Variants in KIF26B observed in about 807,000 individuals in gnomAD.
The protein encoded by KIF26B is kinesin family member 26B, also known as kinesin-like protein KIF26B.
Under a neutral mutation model 151.2 loss-of-function variants are expected in KIF26B, and 63 were observed. That is an observed-to-expected ratio of 0.42 (90% CI 0.34 to 0.51). The LOEUF (loss-of-function observed/expected upper bound fraction) is 0.51. Ranked by LOEUF, KIF26B falls within the 20% of genes least tolerant of loss-of-function variation. KIF26B has a pLI of 0.07. For synonymous variants in KIF26B, 1,357 were observed against 1,262.1 expected, an observed-to-expected ratio of 1.08 and a Z score of -1.59; for missense variants, 2,813 against 2,913.6, an observed-to-expected ratio of 0.97 and a Z score of 0.79.
intron 4 of KIF26B, among the ~76,000 whole-genome samples, chr1:245,453,708 G>A (rs59190428): frequency 0.021 from 3,223 of 152,202 alleles, 114 homozygotes; most frequent in African/African-American, 0.072. Flanking sequence ...TGCCTTGTCT[G>A]TTATCAGGAT....
chr1:245,625,923 C>T (rs2043719426), intron 9 of KIF26B, among the ~76,000 whole-genome samples: 1 of 152,128 alleles, frequency 6.6e-6, no homozygotes, highest in Admixed American at 6.5e-5. Flanking sequence ...CTGTGCCTGG[C>T]TTATTTGACT....
intron 2 of KIF26B, among the ~76,000 whole-genome samples, chr1:245,266,660 C>G (rs992105485): frequency 9.9e-5 from 15 of 152,130 alleles, no homozygotes; most frequent in African/African-American, 3.6e-4. Context: ...GCGCCTACCA[C>G]CACGCCCGGC....
intron 4 of KIF26B, among the ~76,000 whole-genome samples, chr1:245,430,016 A>G (rs926586229): frequency 6.6e-6 from 1 of 152,240 alleles, no homozygotes. Context: ...TTCTGTTCCC[A>G]TAGAACTTTG....
In KIF26B at chr1:245,358,535, A is replaced by G. The variant is rs1029572305; in HGVS notation, c.466-8299A>G. ...ACTCCGTCTCAAAACAAAACAAAACAAAACAAAACAGCCAAGTACATTTAT... is the reference window on the plus strand; with the variant it reads ...ACTCCGTCTCAAAACAAAACAAAACGAAACAAAACAGCCAAGTACATTTAT... On this transcript the variant is annotated intron_variant, in intron 2 of 14. Transcript: ENST00000407071. This position sits in a 1 kb window ranked among gnomAD's most constrained non-coding sequence, Gnocchi z 4.1. Among the ~76,000 whole-genome samples, 1 of 152,228 alleles carries G rather than the reference A, an allele frequency of 6.6e-6. No homozygotes were observed. Among genetic ancestry groups the G allele is most frequent in the Non-Finnish European group, 1.5e-5 (1 of 68,050 alleles).
intron 2 of KIF26B, among the ~76,000 whole-genome samples, chr1:245,329,621 C>T (rs558380621): frequency 2.8e-4 from 43 of 152,294 alleles, no homozygotes; most frequent in Non-Finnish European, 5.6e-4. Flanking sequence ...CCCTCATACA[C>T]ATTCACTCAC....
At position 245,646,107 on chromosome 1, in the gene KIF26B, C is replaced by T. The variant is rs1427194302; in HGVS notation, c.2099-14C>T. The T allele has an allele frequency of 6.2e-7, 1 of 1,612,194 alleles. No homozygotes were observed. Among genetic ancestry groups the T allele is most frequent in the African/African-American group, 1.3e-5 (1 of 74,838 alleles). On this transcript the variant is annotated splice_polypyrimidine_tract_variant and intron_variant, in intron 9 of 14. Coordinates refer to ENST00000407071, the MANE Select transcript of KIF26B (RefSeq NM_018012.4). ...AACTTAACCATTTCTCTTTTATCTT[C>T]TCCCCTGTGGTAGTGTCTGGAGGTC...
At position 245,540,516 on chromosome 1, in the gene KIF26B, T is replaced by G; in HGVS notation, c.1167-251T>G. 1.5e-6 allele frequency: 1 copy of G among 680,702 alleles called. No individual in the cohort carries two copies. 42.2% of individuals were successfully genotyped at this position (680,702 alleles called of 1,614,324 possible). A position where few individuals can be genotyped will look rare whatever the true frequency, so the allele number is the denominator to read the frequency against. Reference sequence around the variant, plus strand: ...AATGTTGGTGGATAACACATCATTCTTTGTAAATCGTGATTGCAGAATCCT... The same window carrying G: ...AATGTTGGTGGATAACACATCATTCGTTGTAAATCGTGATTGCAGAATCCT... On this transcript the variant is annotated intron_variant, in intron 4 of 14. Transcript: ENST00000407071. This position sits in a 1 kb window ranked among gnomAD's most constrained non-coding sequence, Gnocchi z 4.6.
chr1:245,260,184 C>T (rs573494453), intron 2 of KIF26B, among the ~76,000 whole-genome samples: 90 of 152,206 alleles, frequency 5.9e-4, no homozygotes, highest in Non-Finnish European at 1.1e-3. Context: ...GGGCTGTTTG[C>T]CTGCCCCTCC....
At chr1:245,231,112 G>A (rs1421962464) in intron 2 of KIF26B, among the ~76,000 whole-genome samples, 1 of 152,154 alleles carries the variant, frequency 6.6e-6, no homozygotes, top group Non-Finnish European at 1.5e-5. Flanking sequence ...ATGAGATAAA[G>A]AGAGGTGAAA....
At chr1:245,664,854 C>T (rs962689474) in intron 10 of KIF26B, among the ~76,000 whole-genome samples, 1 of 152,022 alleles carries the variant, frequency 6.6e-6, no homozygotes, top group African/African-American at 2.4e-5. Flanking sequence ...CGTTTTTCTC[C>T]TTCACATAAT....
rs4658748 is a variant in KIF26B at position 245,318,130 on chromosome 1, G to A, written c.466-48704G>A. On this transcript the variant is annotated intron_variant, in intron 2 of 14. Transcript: ENST00000407071. The surrounding 1 kb of genome is among the most constrained non-coding windows in gnomAD (Gnocchi z 4.0). ...TCAGATTGCCTCTGTTGCAAGGACT[G>A]AGAACTCTGAGGAGATCTAGGAGAT... 0.57 allele frequency among the ~76,000 whole-genome samples: 87,230 copies of A among 151,992 alleles called. 25,777 individuals carry two copies. The highest frequency in any genetic ancestry group is 0.73 in the African/African-American group (30,398 of 41,476).
Position 245,686,299 on chromosome 1 carries a change from C to T in KIF26B, c.3316C>T (p.Pro1106Ser), listed in dbSNP as rs1211500177. ...GVLPSPAPLPPSSKDSGVASR... is the reference protein window; with the variant it reads ...GVLPSPAPLPSSSKDSGVASR... Reference sequence around the variant, plus strand: ...CCTGCCGTCTCCCGCCCCACTGCCTCCCTCGAGCAAGGATTCCGGCGTGGC... The same window carrying T: ...CCTGCCGTCTCCCGCCCCACTGCCTTCCTCGAGCAAGGATTCCGGCGTGGC... Residue 1106 changes from proline (P) to serine (S), a missense_variant, in exon 12 of 15, where the codon CCC becomes TCC. Coordinates refer to ENST00000407071, the MANE Select transcript of KIF26B (RefSeq NM_018012.4). The surrounding 1 kb of genome is among the most constrained non-coding windows in gnomAD (Gnocchi z 5.6). 4 of 1,613,074 alleles carry T rather than the reference C, an allele frequency of 2.5e-6. No homozygotes were observed. Among genetic ancestry groups the T allele is most frequent in the Non-Finnish European group, 3.4e-6 (4 of 1,179,868 alleles).
At chr1:245,234,774 A>C (rs944479394) in intron 2 of KIF26B, among the ~76,000 whole-genome samples, 4 of 152,224 alleles carry the variant, frequency 2.6e-5, no homozygotes, top group African/African-American at 9.6e-5. Context: ...GCGTGAGCTC[A>C]GCAGGGGAGC....
intron 2 of KIF26B, among the ~76,000 whole-genome samples, chr1:245,267,898 C>A (rs1046467493): frequency 3.9e-5 from 6 of 152,116 alleles, no homozygotes; most frequent in African/African-American, 1.2e-4. Context: ...CAGCCTGATG[C>A]TGGTTGTCTG....
chr1:245,155,019 C>T lies in KIF26B; in HGVS notation c.-406C>T. 1 of 438,450 alleles carries T rather than the reference C, an allele frequency of 2.3e-6. No individual in the cohort carries two copies. Among genetic ancestry groups the T allele is most frequent in the Middle Eastern group, 5.7e-4 (1 of 1,754 alleles). 27.2% of individuals were successfully genotyped at this position (438,450 alleles called of 1,614,324 possible). A position where few individuals can be genotyped will look rare whatever the true frequency, so the allele number is the denominator to read the frequency against. On this transcript the variant is annotated 5_prime_UTR_variant, in exon 1 of 15. Transcript: ENST00000407071. ...GCTCGGTGAAGGAGACAAGTTCCCA[C>T]AGCTGACTCGGCTCGGCTCTCCCAC...
chr1:245,589,258 C>T (rs1002392164), intron 5 of KIF26B, among the ~76,000 whole-genome samples: 1 of 152,188 alleles, frequency 6.6e-6, no homozygotes, highest in Admixed American at 6.5e-5. Context: ...AGAAATAGCC[C>T]ACTGCCCAGG....
At chr1:245,574,351 C>T (rs545148650) in intron 5 of KIF26B, among the ~76,000 whole-genome samples, 2 of 152,250 alleles carry the variant, frequency 1.3e-5, no homozygotes, top group Admixed American at 1.3e-4. Flanking sequence ...ACCTTGTTGG[C>T]CAGACTGGTC....
chr1:245,524,137 T>G, intron 4 of KIF26B, among the ~76,000 whole-genome samples: 1 of 152,356 alleles, frequency 6.6e-6, no homozygotes, highest in East Asian at 1.9e-4. Context: ...TGGACATTTC[T>G]TAGGCTCTGA....
intron 2 of KIF26B, among the ~76,000 whole-genome samples, chr1:245,228,769 T>C (rs766385994): frequency 6.6e-6 from 1 of 152,170 alleles, no homozygotes; most frequent in Non-Finnish European, 1.5e-5. Context: ...GCAGCTGAAA[T>C]GTAGCAGGTT....
Sources: gnomAD v4.1 joint callset for allele counts (sites outside exome capture counted in the v4.1 genomes callset) on GRCh38, gnomAD v4.1.1 for gene constraint, Gnocchi (gnomAD v3.1) non-coding constraint, MANE v1.5 for transcripts, NCBI Gene and HGNC (gene_info 2026-07-23, HGNC 2026-07-21) for gene names.